MAP2: variants seen among roughly 807,000 people sequenced by gnomAD.
MAP2 encodes microtubule associated protein 2.
Under a neutral mutation model 137.6 loss-of-function variants are expected in MAP2, and 14 were observed. The observed-to-expected ratio is 0.10, with a 90% CI of 0.07 to 0.16. The LOEUF is 0.16. Among genes scored for constraint, MAP2 ranks in the 10% least tolerant of loss-of-function variants. The probability of loss-of-function intolerance (pLI) is 1.00; values close to 1 mark genes in which losing one functional copy is unlikely to be tolerated. For missense variants in MAP2, 2,088 were observed against 2,191.5 expected (o/e 0.95, Z 0.94); for synonymous variants, 786 against 782.3 (o/e 1.00, Z -0.08).
At chr2:209,579,733 G>A (rs903437684) in intron 2 of MAP2, 4 of 152,198 alleles carry the variant, frequency 2.6e-5, no homozygotes, top group African/African-American at 9.7e-5. Flanking sequence ...CTAGACTTGA[G>A]TGGTATTGCT....
chr2:209,630,678 G>A (rs905865894), intron 4 of MAP2, among the ~76,000 whole-genome samples: 1 of 152,026 alleles, frequency 6.6e-6, no homozygotes, highest in Admixed American at 6.6e-5. Context: ...GAGCCAAAGA[G>A]TAGGATGTTA....
chr2:209,608,146 CT>C (rs1326050008), intron 3 of MAP2, among the ~76,000 whole-genome samples: 1 of 152,210 alleles, frequency 6.6e-6, no homozygotes, highest in African/African-American at 2.4e-5. Flanking sequence ...CTTGACTCTA[CT>C]GTGCACCACT....
intron 13 of MAP2, chr2:209,723,835 C>T: frequency 1.7e-6 from 1 of 574,096 alleles, no homozygotes; most frequent in Non-Finnish European, 3.2e-6. Flanking sequence ...TAGCTTGTAG[C>T]CTTGCATTTT....
chr2:209,675,304 T>G (rs888319532), intron 5 of MAP2, among the ~76,000 whole-genome samples: 8 of 151,826 alleles, frequency 5.3e-5, no homozygotes, highest in African/African-American at 1.9e-4. Flanking sequence ...GAGTTCTAAT[T>G]CCATTATGGG....
At chr2:209,720,512 G>A (rs546458813) in intron 13 of MAP2, among the ~76,000 whole-genome samples, 64 of 151,882 alleles carry the variant, frequency 4.2e-4, no homozygotes, top group African/African-American at 1.5e-3. Context: ...GGTGGCGGGC[G>A]CCTGTAGTCC....
chr2:209,619,568 C>T (rs979552183), intron 3 of MAP2, among the ~76,000 whole-genome samples: 4 of 152,010 alleles, frequency 2.6e-5, no homozygotes, highest in Admixed American at 1.3e-4. Flanking sequence ...AATACTGATA[C>T]ATGTGCCCCA....
At chr2:209,438,902 T>C (rs1032948337) in intron 1 of MAP2, among the ~76,000 whole-genome samples, 3 of 151,070 alleles carry the variant, frequency 2.0e-5, no homozygotes, top group African/African-American at 7.3e-5. Context: ...ATTATATTAT[T>C]ATTTATAATA....
intron 3 of MAP2, among the ~76,000 whole-genome samples, chr2:209,599,274 C>T (rs1012463002): frequency 1.6e-4 from 25 of 151,700 alleles, no homozygotes; most frequent in South Asian, 8.4e-4. Flanking sequence ...TCATGTCCTT[C>T]GCCCACTTTT....
At chr2:209,703,761 T>C (rs953114947) in intron 11 of MAP2, among the ~76,000 whole-genome samples, 42 of 152,152 alleles carry the variant, frequency 2.8e-4, no homozygotes, top group African/African-American at 9.6e-4. Context: ...TTACTCTTTC[T>C]TCTGTCCTTC....
chr2:209,647,081 C>T (rs1481260071), intron 4 of MAP2, among the ~76,000 whole-genome samples: 2 of 152,092 alleles, frequency 1.3e-5, no homozygotes, highest in African/African-American at 4.8e-5. Context: ...GAGCAAGCAC[C>T]TCACATGACC....
At chr2:209,525,712 C>T (rs772701309) in intron 2 of MAP2, among the ~76,000 whole-genome samples, 18 of 152,248 alleles carry the variant, frequency 1.2e-4, no homozygotes, top group African/African-American at 7.2e-5. Context: ...TTCAAAATTC[C>T]GCTAAATAAA....
At chr2:209,492,274 T>C (rs1395587421) in intron 1 of MAP2, among the ~76,000 whole-genome samples, 4 of 152,174 alleles carry the variant, frequency 2.6e-5, no homozygotes. Context: ...AAACTAGGTA[T>C]TGATGAAACA....
intron 2 of MAP2, among the ~76,000 whole-genome samples, chr2:209,570,966 A>T (rs288077): frequency 6.6e-6 from 1 of 151,698 alleles, no homozygotes; most frequent in African/African-American, 2.4e-5. Flanking sequence ...CTAAAATACA[A>T]ATTTTACTTC....
Position 209,678,594 on chromosome 2 carries a change from T to C in MAP2, c.285T>C (p.Val95=). ...ETAEEVSARI[V]QVVTAEAVAV... ...CAGAGGAGGTGTCTGCAAGGATAGT[T>C]CAAGTAGTCACTGCTGAGGCTGTAG... Residue 95 remains valine (V), a synonymous_variant, in exon 6 of 16, where the codon GTT becomes GTC. Coordinates refer to ENST00000682079, the MANE Select transcript of MAP2 (RefSeq NM_001375505.1). 1 of 1,597,564 alleles carries C rather than the reference T, an allele frequency of 6.3e-7. No individual in the cohort carries two copies. The highest frequency in any genetic ancestry group is 8.5e-7 in the Non-Finnish European group (1 of 1,171,554).
intron 1 of MAP2, among the ~76,000 whole-genome samples, chr2:209,437,568 T>A (rs1696650585): frequency 6.6e-6 from 1 of 151,630 alleles, no homozygotes; most frequent in African/African-American, 2.4e-5. Context: ...ATTGGCCTAA[T>A]TTTAACTGTC....
intron 1 of MAP2, among the ~76,000 whole-genome samples, chr2:209,434,943 G>GTTTTATATATATATGTTATATATATA (rs1559157760): frequency 7.8e-6 from 1 of 128,878 alleles, no homozygotes; most frequent in South Asian, 2.3e-4. Flanking sequence ...TTATATATAT[G>GTTTTATATATATATGTTATATATATA]TGTTTTATAT....
chr2:209,468,814 G>T (rs1704881102), intron 1 of MAP2, among the ~76,000 whole-genome samples: 1 of 151,976 alleles, frequency 6.6e-6, no homozygotes, highest in Admixed American at 6.6e-5. Context: ...CTTTGATCTG[G>T]GTATATATTA....
At chr2:209,721,926 T>A (rs2071215059) in intron 13 of MAP2, 1 of 152,188 alleles carries the variant, frequency 6.6e-6, no homozygotes, top group Admixed American at 6.5e-5. Flanking sequence ...TCAAAATTAT[T>A]TGCTTTCTCC....
At chr2:209,632,536 A>G (rs967876324) in intron 4 of MAP2, among the ~76,000 whole-genome samples, 45 of 152,304 alleles carry the variant, frequency 3.0e-4, no homozygotes, top group African/African-American at 1.1e-3. Context: ...GGAAAACAAC[A>G]GTAACTACAA....
Sources: gnomAD v4.1 joint callset for allele counts (sites outside exome capture counted in the v4.1 genomes callset) on GRCh38, gnomAD v4.1.1 for gene constraint, MANE v1.5 for transcripts, NCBI Gene and HGNC (gene_info 2026-07-23, HGNC 2026-07-21) for gene names.